SEMA4A: variants seen among roughly 807,000 people sequenced by gnomAD.
SEMA4A encodes semaphorin 4A, also known as semaphorin-4A.
A neutral mutation model predicts 72.5 loss-of-function variants in SEMA4A; 52 were observed. That is an observed-to-expected ratio of 0.72 (90% CI 0.57 to 0.90). The LOEUF (loss-of-function observed/expected upper bound fraction) is 0.90, where lower values mean the gene tolerates loss of function less well. Ranked by LOEUF, SEMA4A falls within the 40% of genes least tolerant of loss-of-function variation. SEMA4A has a pLI of 0.00. For synonymous variants in SEMA4A, 369 were observed against 393.1 expected (o/e 0.94, Z 0.73); for missense variants, 926 against 959.7 (o/e 0.96, Z 0.46).
chr1:156,157,242 A>G lies in SEMA4A; in HGVS notation c.300+668A>G, dbSNP rs948519962. Among the ~76,000 whole-genome samples, 2 of 151,700 alleles carry G rather than the reference A, an allele frequency of 1.3e-5. No homozygotes were observed. Among genetic ancestry groups the G allele is most frequent in the Non-Finnish European group, 2.9e-5 (2 of 67,918 alleles). ...CACTCTGTTGTCCAGGCTGGAGTGC[A>G]ATGGCGTGATCTTGGCTCACTGTAA... is the stretch of plus-strand genomic sequence containing the variant. On this transcript the variant is annotated intron_variant, in intron 3 of 14. Coordinates refer to ENST00000368285, the MANE Select transcript of SEMA4A (RefSeq NM_022367.4). This position sits in a 1 kb window ranked among gnomAD's most constrained non-coding sequence, Gnocchi z 4.5.
At chr1:156,162,608 A>G (rs1653767922) in intron 9 of SEMA4A, among the ~76,000 whole-genome samples, 1 of 152,252 alleles carries the variant, frequency 6.6e-6, no homozygotes, top group Non-Finnish European at 1.5e-5. Flanking sequence ...GAGCCAGGCT[A>G]GAGCTGGTTA....
At chr1:156,163,720 CAAAAAA>C (rs34408918) in intron 10 of SEMA4A, among the ~76,000 whole-genome samples, 5 of 17,780 alleles carry the variant, frequency 2.8e-4, no homozygotes, top group South Asian at 3.0e-3. Context: ...GACTCAGTCT[CAAAAAA>C]AAAAAAAAAA....
upstream of SEMA4A, among the ~76,000 whole-genome samples, chr1:156,148,445 T>G (rs990701306): frequency 2.0e-5 from 3 of 152,198 alleles, no homozygotes; most frequent in African/African-American, 7.2e-5. Flanking sequence ...GCACATGCCA[T>G]GCCCTCCTTG....
chr1:156,149,561 G>C (rs192844577), upstream of SEMA4A, among the ~76,000 whole-genome samples: 1 of 152,198 alleles, frequency 6.6e-6, no homozygotes, highest in Non-Finnish European at 1.5e-5. Flanking sequence ...TATTTGCATA[G>C]TTGCATAGAT....
At chr1:156,160,165 G>A (rs374802727) in intron 6 of SEMA4A, among the ~76,000 whole-genome samples, 21 of 152,116 alleles carry the variant, frequency 1.4e-4, no homozygotes, top group African/African-American at 3.9e-4. Flanking sequence ...TTGGCAAGTG[G>A]TTCAGCTAGG....
At position 156,157,307 on chromosome 1, in the gene SEMA4A, C is replaced by T. The variant is rs1209316553; in HGVS notation, c.300+733C>T. 1.3e-5 allele frequency among the ~76,000 whole-genome samples: 2 copies of T among 151,968 alleles called. No individual in the cohort carries two copies. Among genetic ancestry groups the T allele is most frequent in the Admixed American group, 6.6e-5 (1 of 15,260 alleles). On this transcript the variant is annotated intron_variant, in intron 3 of 14. Coordinates refer to ENST00000368285, the MANE Select transcript of SEMA4A (RefSeq NM_022367.4). The surrounding 1 kb of genome is among the most constrained non-coding windows in gnomAD (Gnocchi z 4.5). ...GTTCAAGCAATTCTGCCTCAGTCTC[C>T]TGAGTAGCTGGGATTACAGGCGCCC...
rs1168417474 is a variant in SEMA4A, at chr1:156,160,519, G to A, written c.645G>A (p.Gln215=). Residue 215 remains glutamine (Q), a synonymous_variant, in exon 7 of 15, where the codon CAG becomes CAA. Coordinates refer to ENST00000368285, the MANE Select transcript of SEMA4A (RefSeq NM_022367.4). ...TCCTGATGCGCACACTGGGATCCCA[G>A]CCTGTCCTCAAGACCGACAACTTCC... The part of the protein sequence containing the change: ...EPILMRTLGS[Q]PVLKTDNFLR... 7 of 1,614,104 alleles carry A rather than the reference G, an allele frequency of 4.3e-6. No homozygotes were observed. The South Asian group carries it at 7.7e-5, about 18-fold the overall frequency.
At chr1:156,158,271 G>T in intron 4 of SEMA4A, 117 bp from the exon 5 acceptor site, 6 of 1,257,424 alleles carry the variant, frequency 4.8e-6, no homozygotes, top group Non-Finnish European at 5.8e-6. Context: ...TTCTACAGAG[G>T]CGTACAGGGA....
rs564156687 is a variant in SEMA4A at position 156,175,371 on chromosome 1, G to A, written c.1592+128G>A. The A allele has an allele frequency of 4.7e-6, 6 of 1,277,118 alleles. No homozygotes were observed. The East Asian group carries it at 1.2e-4, about 25-fold the overall frequency. The allele number at this position is 1,277,118 out of a possible 1,614,324, so 79.1% of individuals were successfully genotyped here. On this transcript the variant is annotated intron_variant, in intron 13 of 14. Coordinates refer to ENST00000368285, the MANE Select transcript of SEMA4A (RefSeq NM_022367.4). ...ACTCCAAGAGTCCTCCCATCCTGCA[G>A]TGGGTTCCTCCAGGGATGGAGTTTC...
chr1:156,177,172 G>A lies in SEMA4A; in HGVS notation c.*175G>A. On this transcript the variant is annotated 3_prime_UTR_variant, in exon 15 of 15. Transcript: ENST00000368285. The stretch of plus-strand genomic sequence containing the variant: ...TCAGCAGGGTGATGCACAGCAGTCT[G>A]CCTCCCCTATGGGACTCCCTTCTAC... 2.9e-6 allele frequency: 2 copies of A among 698,728 alleles called. No individual in the cohort carries two copies. Among genetic ancestry groups the A allele is most frequent in the Non-Finnish European group, 5.1e-6 (2 of 392,764 alleles). 43.3% of individuals were successfully genotyped at this position (698,728 alleles called of 1,614,324 possible). A position where few individuals can be genotyped will look rare whatever the true frequency, so the allele number is the denominator to read the frequency against.
In SEMA4A at chr1:156,154,665, G is replaced by A. The variant is rs1338015511; in HGVS notation, c.87G>A (p.Thr29=). 6.2e-6 allele frequency: 10 copies of A among 1,602,824 alleles called. No homozygotes were observed. The highest frequency in any genetic ancestry group is 1.7e-5 in the Admixed American group (1 of 57,806). ...TGCTTCAGCTGCTGCTGCCGACGAC[G>A]ACCGCGGGGGGAGGCGGGCAGGGGC... ...FQLLQLLLPT[T]TAGGGGQGPM... The change falls in exon 2 of 15, where the codon ACG becomes ACA. Residue 29 remains threonine, a synonymous_variant. Coordinates refer to ENST00000368285, the MANE Select transcript of SEMA4A (RefSeq NM_022367.4).
intron 2 of SEMA4A, chr1:156,155,194 G>A (rs1420796719): frequency 6.1e-6 from 1 of 164,680 alleles, no homozygotes; most frequent in African/African-American, 2.4e-5. Flanking sequence ...TGGCTGGTTG[G>A]AGAATGGGCC....
At chr1:156,152,783 G>A (rs958722486), upstream of SEMA4A, among the ~76,000 whole-genome samples, 1 of 152,190 alleles carries the variant, frequency 6.6e-6, no homozygotes, top group African/African-American at 2.4e-5. Context: ...AGGGAGGAAT[G>A]TGCATGTCAG....
rs755693576 is a variant in SEMA4A, at chr1:156,174,937, C to G, written c.1431C>G (p.Thr477=). ...TTCGCAACCTGCAGCTGGCCCCCACCCAGGTGGGAAGGGACCTGACCATCA... is the reference window on the plus strand; with the variant it reads ...TTCGCAACCTGCAGCTGGCCCCCACGCAGGTGGGAAGGGACCTGACCATCA... The part of the protein sequence containing the change: ...EPVRNLQLAP[T]QGAVFVGFSG... The change falls in exon 12 of 15, where the codon ACC becomes ACG. Residue 477 remains threonine (T), a synonymous_variant. Transcript: ENST00000368285. 2.0e-5 allele frequency: 33 copies of G among 1,614,120 alleles called. No individual in the cohort carries two copies. Among genetic ancestry groups the G allele is most frequent in the Non-Finnish European group, 2.6e-5 (31 of 1,180,046 alleles).
chr1:156,147,814 G>A (rs536499583), upstream of SEMA4A, among the ~76,000 whole-genome samples: 4 of 152,272 alleles, frequency 2.6e-5, no homozygotes, highest in Non-Finnish European at 5.9e-5. Flanking sequence ...GCTGCAGCAG[G>A]AGAAATGGAG....
intron 7 of SEMA4A, 90 bp downstream of exon 7, chr1:156,160,649 TC>T: frequency 8.3e-7 from 1 of 1,203,362 alleles, no homozygotes; most frequent in Non-Finnish European, 1.2e-6. Flanking sequence ...GTACAATGTG[TC>T]CATTACTGTT....
intron 10 of SEMA4A, among the ~76,000 whole-genome samples, chr1:156,168,738 T>G (rs1302333737): frequency 1.3e-5 from 2 of 152,160 alleles, no homozygotes; most frequent in Non-Finnish European, 1.5e-5. Context: ...CTGAGGGTGG[T>G]CTGGCTGGGC....
intron 10 of SEMA4A, among the ~76,000 whole-genome samples, chr1:156,171,424 G>A (rs763978809): frequency 1.3e-5 from 2 of 152,160 alleles, no homozygotes; most frequent in African/African-American, 2.4e-5. Context: ...CAGCAAGTTC[G>A]TGCAAAACCG....
At chr1:156,170,404 G>A (rs1184786058) in intron 10 of SEMA4A, among the ~76,000 whole-genome samples, 4 of 144,104 alleles carry the variant, frequency 2.8e-5, no homozygotes, top group African/African-American at 7.8e-5. Context: ...CGGAGGTTGC[G>A]GTGAGCCAAG....
Sources: allele counts gnomAD v4.1 joint callset (sites outside exome capture counted in the v4.1 genomes callset), GRCh38; gene constraint gnomAD v4.1.1; non-coding constraint Gnocchi (gnomAD v3.1); transcripts MANE v1.5; gene names NCBI Gene and HGNC (gene_info 2026-07-23, HGNC 2026-07-21).